Variants in SH3BGR observed in about 807,000 individuals in gnomAD.
SH3BGR encodes the protein SH3 domain-binding glutamic acid-rich protein.
A neutral mutation model predicts 24.5 loss-of-function variants in SH3BGR; 29 were observed. The ratio of observed to expected loss-of-function variants is 1.18; its 90% CI spans 0.88 to 1.61. The LOEUF (loss-of-function observed/expected upper bound fraction) is 1.61, where lower values mean the gene tolerates loss of function less well. SH3BGR is among the 40% of genes most tolerant of loss of function. The pLI is 0.00. For synonymous variants in SH3BGR, 55 were observed against 65.7 expected (o/e 0.84, Z 0.79); for missense variants, 162 against 205.8 (o/e 0.79, Z 1.30).
At chr21:39,480,449 G>T (rs2078112377) in intron 3 of SH3BGR, among the ~76,000 whole-genome samples, 1 of 152,164 alleles carries the variant, frequency 6.6e-6, no homozygotes, top group South Asian at 2.1e-4. Flanking sequence ...TACACCATGG[G>T]GTCCTTTGTG....
At chr21:39,461,135 A>AT (rs56088801) in intron 1 of SH3BGR, among the ~76,000 whole-genome samples, 8,065 of 126,956 alleles carry the variant, frequency 0.064, 526 homozygotes, top group African/African-American at 0.16. Context: ...AGTTTTGTAG[A>AT]TTTTTTTTTT....
At chr21:39,470,954 G>A (rs181891279) in intron 2 of SH3BGR, among the ~76,000 whole-genome samples, 2 of 151,982 alleles carry the variant, frequency 1.3e-5, no homozygotes, top group Non-Finnish European at 2.9e-5. Context: ...CTGGGCTGAT[G>A]TTTATTTTTT....
At chr21:39,483,879 A>T (rs1722050475) in intron 3 of SH3BGR, among the ~76,000 whole-genome samples, 2 of 152,202 alleles carry the variant, frequency 1.3e-5, no homozygotes, top group South Asian at 4.1e-4. Context: ...TTGATACCTC[A>T]CTTGGTATTG....
At chr21:39,453,924 T>A (rs1275605869) in intron 1 of SH3BGR, among the ~76,000 whole-genome samples, 1 of 152,256 alleles carries the variant, frequency 6.6e-6, no homozygotes, top group Admixed American at 6.5e-5. Flanking sequence ...CTGCTATTAG[T>A]TAATATTAGT....
chr21:39,510,515 C>T (rs577417748), intron 5 of SH3BGR, among the ~76,000 whole-genome samples: 1 of 150,950 alleles, frequency 6.6e-6, no homozygotes, highest in African/African-American at 2.4e-5. Flanking sequence ...TTGTAGTCTC[C>T]TTTTTTTTCA....
chr21:39,492,325 T>C (rs2078312820), intron 3 of SH3BGR, among the ~76,000 whole-genome samples: 1 of 152,146 alleles, frequency 6.6e-6, no homozygotes, highest in Non-Finnish European at 1.5e-5. Context: ...AGTGAGAACA[T>C]ACGATGTTTG....
chr21:39,471,035 T>C (rs902140374), intron 2 of SH3BGR, among the ~76,000 whole-genome samples: 8 of 152,212 alleles, frequency 5.3e-5, no homozygotes, highest in Non-Finnish European at 1.2e-4. Flanking sequence ...CAGCTGTCAG[T>C]CTCATCACTA....
At chr21:39,482,666 C>A (rs1602122734) in intron 3 of SH3BGR, among the ~76,000 whole-genome samples, 1 of 151,944 alleles carries the variant, frequency 6.6e-6, no homozygotes, top group Non-Finnish European at 1.5e-5. Flanking sequence ...TAATGAAGAG[C>A]TGGAGCAATG....
intron 4 of SH3BGR, among the ~76,000 whole-genome samples, chr21:39,505,633 C>T (rs1289253627): frequency 1.3e-5 from 2 of 152,046 alleles, no homozygotes; most frequent in East Asian, 1.9e-4. Context: ...GGTGTGGTAG[C>T]GGGTGCCTGT....
chr21:39,492,473 TATATATATACACACACACACAC>T (rs1382750066), intron 3 of SH3BGR, among the ~76,000 whole-genome samples: 1 of 119,932 alleles, frequency 8.3e-6, no homozygotes, highest in Admixed American at 1.0e-4. Flanking sequence ...TGTGTATATA[TATATATATACACACACACACAC>T]ACACCACATT....
rs1432080062 is a variant in SH3BGR, at chr21:39,511,075, G to A, written c.436-605G>A. Among the ~76,000 whole-genome samples, 1 of 143,444 alleles carries A rather than the reference G, an allele frequency of 7.0e-6. No individual in the cohort carries two copies. The highest frequency in any genetic ancestry group is 1.5e-5 in the Non-Finnish European group (1 of 64,642). The allele number at this position is 143,444 out of a possible 152,430, so 94.1% of individuals were successfully genotyped here. On this transcript the variant is annotated intron_variant, in intron 5 of 6. Coordinates refer to ENST00000333634, the MANE Select transcript of SH3BGR (RefSeq NM_007341.3). The surrounding 1 kb of genome is among the most constrained non-coding windows in gnomAD (Gnocchi z 4.2). ...ATTCTAAAGCACCATTCTAAATTGAGGACTCTGTGTTTAGAAGGATGATTT... is the reference window on the plus strand; with the variant it reads ...ATTCTAAAGCACCATTCTAAATTGAAGACTCTGTGTTTAGAAGGATGATTT...
intron 1 of SH3BGR, among the ~76,000 whole-genome samples, chr21:39,459,125 A>G (rs542860840): frequency 6.6e-6 from 1 of 152,078 alleles, no homozygotes; most frequent in Non-Finnish European, 1.5e-5. Flanking sequence ...TAGAGAGTCA[A>G]TAAATAACTG....
At position 39,462,403 on chromosome 21, in the gene SH3BGR, G is replaced by A; in HGVS notation, c.74G>A (p.Gly25Asp). The change falls in exon 2 of 7, where the codon GGT becomes GAT. Residue 25 changes from glycine to aspartate, a missense_variant. Coordinates refer to ENST00000333634, the MANE Select transcript of SH3BGR (RefSeq NM_007341.3). ...AGGAAGAAACAGCAAGAAGTAGTGG[G>A]TTTTTTGGAAGCGAATAAAATCGAC... ...AIRKKQQEVV[G>D]FLEANKIDFK... 1 of 1,609,596 alleles carries A rather than the reference G, an allele frequency of 6.2e-7. No individual in the cohort carries two copies. The highest frequency in any genetic ancestry group is 8.5e-7 in the Non-Finnish European group (1 of 1,178,944).
Position 39,462,364 on chromosome 21 carries a change from CT to C in SH3BGR, c.46-10del. On this transcript the variant is annotated splice_polypyrimidine_tract_variant and intron_variant, in intron 1 of 6. Transcript: ENST00000333634. The stretch of plus-strand genomic sequence containing the variant: ...TCATAAACAGCCTAATATTTCTCTA[CT>C]CTTGACCAGATTAGGAAGAAACAGC... The C allele has an allele frequency of 1.3e-6, 2 of 1,590,762 alleles. No individual in the cohort carries two copies. Among genetic ancestry groups the C allele is most frequent in the Non-Finnish European group, 1.7e-6 (2 of 1,173,090 alleles).
rs140451516 is a variant in SH3BGR, at chr21:39,458,412, C to T, written c.46-3963C>T. 4.4e-3 allele frequency among the ~76,000 whole-genome samples: 669 copies of T among 151,954 alleles called. 8 individuals carry two copies. The highest frequency in any genetic ancestry group is 0.015 in the African/African-American group (639 of 41,442). Reference sequence around the variant, plus strand: ...AGAGTACAGTGGTGCAATATTGGCTCACTGCAACCTCTGCCTCCCGGATTC... The same window carrying T: ...AGAGTACAGTGGTGCAATATTGGCTTACTGCAACCTCTGCCTCCCGGATTC... On this transcript the variant is annotated intron_variant, in intron 1 of 6. Coordinates refer to ENST00000333634, the MANE Select transcript of SH3BGR (RefSeq NM_007341.3).
chr21:39,457,501 GATT>G (rs1376951741), intron 1 of SH3BGR, among the ~76,000 whole-genome samples: 2 of 142,952 alleles, frequency 1.4e-5, no homozygotes, highest in South Asian at 2.2e-4. Flanking sequence ...TTATATATAT[GATT>G]ATTATATATT....
chr21:39,492,466 G>GTGTGTGTGTATATA (rs1404293146), intron 3 of SH3BGR, among the ~76,000 whole-genome samples: 8 of 139,784 alleles, frequency 5.7e-5, no homozygotes, highest in African/African-American at 1.7e-4. Flanking sequence ...GTGTGTGTGT[G>GTGTGTGTGTATATA]TATATATATA....
chr21:39,465,374 C>T (rs1169873276), intron 2 of SH3BGR, among the ~76,000 whole-genome samples: 1 of 152,156 alleles, frequency 6.6e-6, no homozygotes, highest in Non-Finnish European at 1.5e-5. Flanking sequence ...AAGGAAGGGC[C>T]TCATGTTTTC....
chr21:39,469,207 T>C (rs570338892), intron 2 of SH3BGR, among the ~76,000 whole-genome samples: 1 of 147,726 alleles, frequency 6.8e-6, no homozygotes, highest in South Asian at 2.3e-4. Context: ...GCCTCCCCCA[T>C]TATCAACATC....
Sources: gnomAD v4.1 joint callset for allele counts (sites outside exome capture counted in the v4.1 genomes callset) on GRCh38, gnomAD v4.1.1 for gene constraint, Gnocchi (gnomAD v3.1) non-coding constraint, MANE v1.5 for transcripts, NCBI Gene and HGNC (gene_info 2026-07-23, HGNC 2026-07-21) for gene names.